GORASP2: variants seen among roughly 807,000 people sequenced by gnomAD.
GORASP2 encodes the protein Golgi reassembly-stacking protein 2.
GORASP2 carries 22 observed loss-of-function variants against 45.7 expected under a neutral mutation model. The observed-to-expected ratio is 0.48, with a 90% confidence interval of 0.34 to 0.69. The LOEUF (loss-of-function observed/expected upper bound fraction) is 0.69, where lower values mean the gene tolerates loss of function less well. GORASP2 is among the 30% of genes least tolerant of loss of function. The pLI is 0.01. For missense variants in GORASP2, 491 were observed against 562.7 expected (o/e 0.87, Z 1.29); for synonymous variants, 221 against 215.6 (o/e 1.02, Z -0.22).
Position 170,956,932 on chromosome 2 carries a change from T to A in GORASP2, c.823+373T>A, listed in dbSNP as rs9808285. On this transcript the variant is annotated intron_variant, in intron 7 of 9. Coordinates refer to ENST00000234160, the MANE Select transcript of GORASP2 (RefSeq NM_015530.5). ...TTTAAAGAATTTTAAAAAATTATTTTAAAAAAATTTTTAAAAAAGAATTTA... is the reference window on the plus strand; with the variant it reads ...TTTAAAGAATTTTAAAAAATTATTTAAAAAAAATTTTTAAAAAAGAATTTA... Among the ~76,000 whole-genome samples the A allele has an allele frequency of 8.0e-3, 1,219 of 152,174 alleles. 20 individuals are homozygous for A. The highest frequency in any genetic ancestry group is 0.028 in the African/African-American group (1,147 of 41,526).
chr2:170,935,017 C>T (rs1300184974), intron 1 of GORASP2, among the ~76,000 whole-genome samples: 3 of 152,194 alleles, frequency 2.0e-5, no homozygotes, highest in South Asian at 2.1e-4. Context: ...GTATTACAGG[C>T]GTGAGCCACT....
At chr2:170,962,034 C>T (rs1704574866) in intron 8 of GORASP2, among the ~76,000 whole-genome samples, 1 of 152,198 alleles carries the variant, frequency 6.6e-6, no homozygotes, top group South Asian at 2.1e-4. Context: ...GCAGCATCGG[C>T]CAGGAATAAG....
intron 4 of GORASP2, among the ~76,000 whole-genome samples, chr2:170,950,975 C>G (rs1401627903): frequency 6.6e-6 from 1 of 151,744 alleles, no homozygotes; most frequent in Non-Finnish European, 1.5e-5. Flanking sequence ...GTTAGAGAGA[C>G]CCTGTCTCAA....
chr2:170,935,295 C>G (rs1703921348), intron 1 of GORASP2, among the ~76,000 whole-genome samples: 1 of 151,914 alleles, frequency 6.6e-6, no homozygotes, highest in East Asian at 1.9e-4. Flanking sequence ...TGCTCTATCA[C>G]CCAGGCTGGA....
At chr2:170,954,998 T>C (rs1704391791) in intron 6 of GORASP2, among the ~76,000 whole-genome samples, 1 of 152,024 alleles carries the variant, frequency 6.6e-6, no homozygotes. Flanking sequence ...GAGATGCAGA[T>C]TTGGGAATCA....
At chr2:170,951,824 GA>G (rs1191665894) in intron 5 of GORASP2, among the ~76,000 whole-genome samples, 2 of 152,206 alleles carry the variant, frequency 1.3e-5, no homozygotes, top group African/African-American at 4.8e-5. Flanking sequence ...CTGCAGGCAG[GA>G]AAAGCTTCCG....
At chr2:170,953,735 G>A (rs947749678) in intron 5 of GORASP2, 5 of 152,224 alleles carry the variant, frequency 3.3e-5, no homozygotes, top group African/African-American at 1.2e-4. Context: ...CAAGGAAACA[G>A]CTGAAGAACC....
intron 1 of GORASP2, chr2:170,936,835 G>T: frequency 2.8e-6 from 1 of 362,658 alleles, no homozygotes; most frequent in South Asian, 2.0e-5. Context: ...GCTGCAGCGA[G>T]CTATCCTCAC....
At chr2:170,929,445 C>A in intron 1 of GORASP2, 42 bp downstream of exon 1, 1 of 1,314,840 alleles carries the variant, frequency 7.6e-7, no homozygotes, top group Non-Finnish European at 9.8e-7. Flanking sequence ...GGGCTGGAGG[C>A]GGGGCCGGCC....
In GORASP2 at chr2:170,965,828, C is replaced by A. The variant is rs990509510; in HGVS notation, c.1057C>A (p.Pro353Thr). ...PLPSMPPRNL[P>T]GIAPLPLPSE... ...TCCTTCCATGCCTCCCCGAAACTTA[C>A]CTGGCATTGCACCTCTCCCCCTGCC... is the stretch of plus-strand genomic sequence containing the variant. Residue 353 changes from proline to threonine, a missense_variant, in exon 10 of 10, where the codon CCT (proline) becomes ACT (threonine). Pro to Thr is a conservative substitution (Grantham distance 38, BLOSUM62 -1). Around this residue, in one of 2 missense-constraint regions of GORASP2, gnomAD observed 297 missense variants for 292.3 expected, o/e 1.02. Transcript: ENST00000234160. 1 of 1,614,074 alleles carries A rather than the reference C, an allele frequency of 6.2e-7. No homozygotes were observed. The highest frequency in any genetic ancestry group is 1.1e-5 in the South Asian group (1 of 91,074).
At chr2:170,940,810 G>A (rs1365413787) in intron 1 of GORASP2, among the ~76,000 whole-genome samples, 1 of 152,038 alleles carries the variant, frequency 6.6e-6, no homozygotes, top group African/African-American at 2.4e-5. Context: ...ATTATATCAT[G>A]CATTTTTGAC....
At chr2:170,936,711 C>CCA in intron 1 of GORASP2, 1 of 1,099,500 alleles carries the variant, frequency 9.1e-7, no homozygotes. Flanking sequence ...CCCAGCTACT[C>CCA]CAATCAGGAG....
intron 1 of GORASP2, 195 bp downstream of exon 1, chr2:170,929,598 A>G (rs1226857777): frequency 1.1e-5 from 6 of 570,410 alleles, no homozygotes; most frequent in Non-Finnish European, 1.6e-5. Context: ...CGCCCTGGGC[A>G]CGGGGTCCGC....
intron 1 of GORASP2, among the ~76,000 whole-genome samples, chr2:170,940,811 C>T (rs986296274): frequency 6.6e-6 from 1 of 152,046 alleles, no homozygotes; most frequent in African/African-American, 2.4e-5. Context: ...TTATATCATG[C>T]ATTTTTGACA....
intron 1 of GORASP2, among the ~76,000 whole-genome samples, chr2:170,936,926 A>C (rs1024192444): frequency 2.6e-5 from 4 of 152,144 alleles, no homozygotes; most frequent in Non-Finnish European, 5.9e-5. Flanking sequence ...AAAAAATTTA[A>C]GGCTAGGTGC....
At chr2:170,954,817 G>GT in intron 6 of GORASP2, 35 bp downstream of exon 6, 1 of 1,573,158 alleles carries the variant, frequency 6.4e-7, no homozygotes, top group Non-Finnish European at 8.7e-7. Context: ...ATATCATAAA[G>GT]TTTTTACCAA....
chr2:170,946,242 A>G lies in GORASP2; in HGVS notation c.64-2108A>G, dbSNP rs111703859. Among the ~76,000 whole-genome samples the G allele has an allele frequency of 7.4e-4, 112 of 152,208 alleles. 1 individual carries two copies. Among genetic ancestry groups the G allele is most frequent in the Middle Eastern group, 3.4e-3 (1 of 294 alleles). On this transcript the variant is annotated intron_variant, in intron 1 of 9. Coordinates refer to ENST00000234160, the MANE Select transcript of GORASP2 (RefSeq NM_015530.5). ...GCTAGTCTCAAACTCCTGGACTCCA[A>G]TCCTCCTGCCTTGTCCTCCTAAAGT...
At chr2:170,931,686 G>A (rs148498810) in intron 1 of GORASP2, among the ~76,000 whole-genome samples, 17 of 152,284 alleles carry the variant, frequency 1.1e-4, no homozygotes, top group African/African-American at 3.8e-4. Context: ...CTATAATTCA[G>A]ATAGATTGAG....
At chr2:170,935,696 T>TC (rs541672885) in intron 1 of GORASP2, among the ~76,000 whole-genome samples, 147 of 150,290 alleles carry the variant, frequency 9.8e-4, no homozygotes, top group Admixed American at 8.6e-3. Context: ...CCTCTCAGCC[T>TC]CCCCAGTAGC....
Sources: gnomAD v4.1 joint callset for allele counts (sites outside exome capture counted in the v4.1 genomes callset) on GRCh38, gnomAD v4.1.1 for gene constraint, gnomAD v4.1.1 regional missense constraint, MANE v1.5 for transcripts, NCBI Gene and HGNC (gene_info 2026-07-23, HGNC 2026-07-21) for gene names.